Variants in AZIN1 observed in about 807,000 individuals in gnomAD.
The protein encoded by AZIN1 is ornithine decarboxylase antizyme inhibitor.
Under a neutral mutation model 47.4 loss-of-function variants are expected in AZIN1, and 12 were observed. The observed-to-expected ratio is 0.25, with a 90% CI of 0.16 to 0.41. The LOEUF (loss-of-function observed/expected upper bound fraction) is 0.41, where lower values mean the gene tolerates loss of function less well. Among genes scored for constraint, AZIN1 ranks in the 10% least tolerant of loss-of-function variants. The pLI, the probability that AZIN1 is intolerant of heterozygous loss-of-function variation, is 1.00. For synonymous variants in AZIN1, 155 were observed against 176.3 expected, an observed-to-expected ratio of 0.88 and a Z score of 0.96; for missense variants, 410 against 532.4, an observed-to-expected ratio of 0.77 and a Z score of 2.26.
At chr8:102,849,809 T>C (rs567981312) in intron 2 of AZIN1, among the ~76,000 whole-genome samples, 1 of 152,326 alleles carries the variant, frequency 6.6e-6, no homozygotes, top group Non-Finnish European at 1.5e-5. Context: ...ACATCCCTTA[T>C]TCACACCTTC....
intron 1 of AZIN1, among the ~76,000 whole-genome samples, chr8:102,860,677 G>A (rs538980354): frequency 3.9e-5 from 6 of 152,242 alleles, no homozygotes; most frequent in East Asian, 3.9e-4. Flanking sequence ...GCAAACCACC[G>A]TGCCCAACTA....
At chr8:102,859,580 T>C (rs1454707001) in intron 1 of AZIN1, among the ~76,000 whole-genome samples, 2 of 152,134 alleles carry the variant, frequency 1.3e-5, no homozygotes, top group Admixed American at 6.5e-5. Context: ...ATACAAAAAA[T>C]AGGGCTAGGC....
At chr8:102,838,441 A>G (rs970007713) in intron 5 of AZIN1, among the ~76,000 whole-genome samples, 25 of 152,174 alleles carry the variant, frequency 1.6e-4, no homozygotes, top group African/African-American at 5.8e-4. Context: ...AGTTATAGAA[A>G]TAATGAAAAT....
chr8:102,857,717 T>A (rs143199462), intron 2 of AZIN1, among the ~76,000 whole-genome samples: 2 of 152,286 alleles, frequency 1.3e-5, no homozygotes, highest in Non-Finnish European at 2.9e-5. Context: ...CTAAGTTAAA[T>A]GGTTGAATGA....
chr8:102,828,514 G>A lies in AZIN1; in HGVS notation c.*53C>T. 1 of 1,199,710 alleles carries A rather than the reference G, an allele frequency of 8.3e-7. No individual in the cohort carries two copies. The highest frequency in any genetic ancestry group is 1.2e-6 in the Non-Finnish European group (1 of 834,764). 74.3% of individuals were successfully genotyped at this position (1,199,710 alleles called of 1,614,324 possible). A position where few individuals can be genotyped will look rare whatever the true frequency, so the allele number is the denominator to read the frequency against. On this transcript the variant is annotated 3_prime_UTR_variant, in exon 12 of 12. Coordinates refer to ENST00000337198, the MANE Select transcript of AZIN1 (RefSeq NM_148174.4). ...AATTATTTTTCCACACTGGAATGTT[G>A]ACCAGACAAGCTTAACCTGCAACTT...
At chr8:102,855,076 C>T (rs993808112) in intron 2 of AZIN1, among the ~76,000 whole-genome samples, 3 of 151,848 alleles carry the variant, frequency 2.0e-5, no homozygotes, top group South Asian at 2.1e-4. Flanking sequence ...TTTTTTGAGA[C>T]GGAGATTTGC....
intron 2 of AZIN1, among the ~76,000 whole-genome samples, chr8:102,857,575 T>C (rs573573618): frequency 6.6e-6 from 1 of 152,238 alleles, no homozygotes; most frequent in African/African-American, 2.4e-5. Context: ...TTTAATACCA[T>C]ATACATATTT....
chr8:102,857,164 A>G (rs1465700974), intron 2 of AZIN1, among the ~76,000 whole-genome samples: 2 of 152,214 alleles, frequency 1.3e-5, no homozygotes, highest in East Asian at 1.9e-4. Context: ...CTTTAGCCTT[A>G]AAAACCTGAG....
At chr8:102,842,789 G>A (rs575655904) in intron 3 of AZIN1, among the ~76,000 whole-genome samples, 37 of 151,352 alleles carry the variant, frequency 2.4e-4, no homozygotes, top group Non-Finnish European at 4.0e-4. Context: ...CCAGCTACTC[G>A]GGAGGCTGAG....
chr8:102,854,193 C>T (rs1042589365), intron 2 of AZIN1, among the ~76,000 whole-genome samples: 17 of 152,096 alleles, frequency 1.1e-4, no homozygotes, highest in African/African-American at 4.1e-4. Context: ...CCGGCCTCAG[C>T]CTCCCAAAGT....
intron 5 of AZIN1, among the ~76,000 whole-genome samples, chr8:102,837,868 T>C (rs1269692235): frequency 6.6e-6 from 1 of 152,246 alleles, no homozygotes; most frequent in Non-Finnish European, 1.5e-5. Flanking sequence ...TTTTAGCATA[T>C]TCTTAAGCCC....
chr8:102,863,275 C>T, intron 1 of AZIN1, among the ~76,000 whole-genome samples: 1 of 151,928 alleles, frequency 6.6e-6, no homozygotes, highest in Admixed American at 6.6e-5. Context: ...GAGGCCGGCG[C>T]GGGGCCCGCC....
chr8:102,847,760 T>G (rs1482779941), intron 2 of AZIN1, among the ~76,000 whole-genome samples: 1 of 152,072 alleles, frequency 6.6e-6, no homozygotes, highest in Middle Eastern at 3.2e-3. Flanking sequence ...TTTTTTATTT[T>G]TTGTAGAAAA....
chr8:102,843,694 A>G lies in AZIN1; in HGVS notation c.-42T>C. 3 of 1,611,666 alleles carry G rather than the reference A, an allele frequency of 1.9e-6. No individual in the cohort carries two copies. Among genetic ancestry groups the G allele is most frequent in the Non-Finnish European group, 2.5e-6 (3 of 1,178,964 alleles). On this transcript the variant is annotated 5_prime_UTR_variant, in exon 3 of 12. Transcript: ENST00000337198. ...AAAGCCGAAAGTCATAAACCAGGAA[A>G]GACAAGAGACGGGCCACCAAGCCTA... is the stretch of plus-strand genomic sequence containing the variant.
chr8:102,839,846 G>A lies in AZIN1; in HGVS notation c.103-23C>T, dbSNP rs773445431. On this transcript the variant is annotated intron_variant, in intron 3 of 11. Coordinates refer to ENST00000337198, the MANE Select transcript of AZIN1 (RefSeq NM_148174.4). ...TGTCTATTATGGTTATAAAAAAAAA[G>A]ACAAATATGAACAAAAAACCATTGA... 5.5e-6 allele frequency: 8 copies of A among 1,464,568 alleles called. 1 individual carries two copies. In the South Asian group the frequency reaches 1.1e-4, roughly 19 times the overall value. 90.7% of individuals were successfully genotyped at this position (1,464,568 alleles called of 1,614,324 possible).
chr8:102,828,375 TA>T lies in AZIN1; in HGVS notation c.*191del. The T allele has an allele frequency of 2.2e-6, 1 of 453,688 alleles. No homozygotes were observed. The allele number at this position is 453,688 out of a possible 1,614,324, so 28.1% of individuals were successfully genotyped here. ...TAGGTTTAAATCTGGATACATTATC[TA>T]AATCTCCCATTATCCCCAATGAATT... is the stretch of plus-strand genomic sequence containing the variant. On this transcript the variant is annotated 3_prime_UTR_variant, in exon 12 of 12. Coordinates refer to ENST00000337198, the MANE Select transcript of AZIN1 (RefSeq NM_148174.4).
intron 1 of AZIN1, among the ~76,000 whole-genome samples, 172 bp downstream of exon 1, chr8:102,863,613 CCCGCCGCCCAGCCCCGCCGCCG>C (rs1813902742): frequency 7.4e-6 from 1 of 135,090 alleles, no homozygotes; most frequent in Admixed American, 7.5e-5. Flanking sequence ...TGAGGCGCGG[CCCGCCGCCCAGCCCCGCCGCCG>C]CCGCCGCCGC....
intron 1 of AZIN1, among the ~76,000 whole-genome samples, chr8:102,861,148 T>TG (rs1378634104): frequency 6.6e-6 from 1 of 152,166 alleles, no homozygotes; most frequent in East Asian, 1.9e-4. Context: ...AATAACTGGG[T>TG]GGGAAGTATG....
At chr8:102,857,691 A>C (rs984155380) in intron 2 of AZIN1, among the ~76,000 whole-genome samples, 2 of 152,150 alleles carry the variant, frequency 1.3e-5, no homozygotes, top group African/African-American at 4.8e-5. Context: ...CCAGCTGAGT[A>C]GCAAAAATCA....
Sources: gnomAD v4.1 joint callset for allele counts (sites outside exome capture counted in the v4.1 genomes callset) on GRCh38, gnomAD v4.1.1 for gene constraint, MANE v1.5 for transcripts, NCBI Gene and HGNC (gene_info 2026-07-23, HGNC 2026-07-21) for gene names.